The following CHAT variants were observed in gnomAD, a reference collection of about 807,000 sequenced individuals.
CHAT encodes the protein choline O-acetyltransferase, also known as acetyl CoA:choline O-acetyltransferase.
A neutral mutation model predicts 76.9 loss-of-function variants in CHAT; 61 were observed. The ratio of observed to expected loss-of-function variants is 0.79; its 90% CI spans 0.65 to 0.98. The LOEUF is 0.98. Ranked by LOEUF, CHAT falls within the 50% of genes least tolerant of loss-of-function variation. The probability of loss-of-function intolerance (pLI) is 0.00; values close to 1 mark genes in which losing one functional copy is unlikely to be tolerated. For missense variants in CHAT, 946 were observed against 986.9 expected (o/e 0.96, Z 0.56); for synonymous variants, 407 against 397.4 (o/e 1.02, Z -0.29).
chr10:49,664,718 G>C lies in CHAT; in HGVS notation c.1978-59G>C, dbSNP rs2132858099. On this transcript the variant is annotated intron_variant, in intron 14 of 14. Coordinates refer to ENST00000337653, the MANE Select transcript of CHAT (RefSeq NM_020549.5). ...GTGGAAAACAGAGAAGCCAAGCCCA[G>C]TCGAGGCTGGCGGGCTGCATTCCAG... is the stretch of plus-strand genomic sequence containing the variant. The C allele has an allele frequency of 1.9e-6, 3 of 1,610,784 alleles. 1 individual carries two copies. The highest frequency in any genetic ancestry group is 2.2e-5 in the South Asian group (2 of 90,858).
At chr10:49,633,490 C>T (rs952517218) in intron 7 of CHAT, among the ~76,000 whole-genome samples, 1 of 152,160 alleles carries the variant, frequency 6.6e-6, no homozygotes. Context: ...TGGAAGGGAG[C>T]ATCTGCCTAG....
At chr10:49,611,731 T>G, upstream of CHAT, 1 of 1,605,964 alleles carries the variant, frequency 6.2e-7, no homozygotes, top group South Asian at 1.1e-5. Context: ...GGGCATGGCC[T>G]GGCTGCCGGC....
intron 4 of CHAT, 49 bp from the exon 5 acceptor site, chr10:49,622,048 G>T (rs759711165): frequency 6.3e-7 from 1 of 1,596,620 alleles, no homozygotes; most frequent in South Asian, 1.1e-5. Flanking sequence ...GAGGGAGGGA[G>T]GAAGCCAGGC....
At chr10:49,632,064 C>G (rs1839143044) in intron 7 of CHAT, among the ~76,000 whole-genome samples, 1 of 152,132 alleles carries the variant, frequency 6.6e-6, no homozygotes, top group Admixed American at 6.5e-5. Flanking sequence ...CTGTCTACCC[C>G]ACCTGGCCCT....
intron 9 of CHAT, 119 bp downstream of exon 9, chr10:49,648,726 TACACACACACACACACAC>T (rs10580502): frequency 1.7e-6 from 1 of 582,562 alleles, no homozygotes; most frequent in South Asian, 1.9e-5. Flanking sequence ...ATGTGTACTA[TACACACACACACACACAC>T]ACACACACAC....
intron 7 of CHAT, chr10:49,637,714 A>C (rs1435838987): frequency 3.9e-5 from 6 of 152,248 alleles, no homozygotes; most frequent in African/African-American, 1.2e-4. Flanking sequence ...TCTTTAGAGC[A>C]GTGTGAAAAC....
Position 49,614,358 on chromosome 10 carries a change from T to C in CHAT, c.169T>C (p.Cys57Arg). 1 of 1,545,646 alleles carries C rather than the reference T, an allele frequency of 6.5e-7. No individual in the cohort carries two copies. The highest frequency in any genetic ancestry group is 8.7e-7 in the Non-Finnish European group (1 of 1,145,216). Residue 57 changes from cysteine to arginine, a missense_variant, in exon 1 of 15, where the codon TGC (cysteine) becomes CGC (arginine). Physicochemically the swap from Cys to Arg is radical, Grantham distance 180. Around this residue, in one of 3 missense-constraint regions of CHAT, gnomAD observed 548 missense variants for 516.2 expected, o/e 1.06. Transcript: ENST00000337653. ...CGGAGGCCCTGCCGGGAACCCAGGC[T>C]GCAGCCCCCACCCCCGCGCTGCGAC... ...DVGGPAGNPG[C>R]SPHPRAATRP... is the part of the protein sequence containing the mutation.
At chr10:49,633,699 C>T (rs1286873625) in intron 7 of CHAT, among the ~76,000 whole-genome samples, 3 of 152,206 alleles carry the variant, frequency 2.0e-5, no homozygotes, top group Non-Finnish European at 4.4e-5. Context: ...GTCTGGGAGA[C>T]TACAGCACTT....
chr10:49,640,005 A>T (rs1839427665), intron 7 of CHAT, among the ~76,000 whole-genome samples: 1 of 152,064 alleles, frequency 6.6e-6, no homozygotes, highest in Non-Finnish European at 1.5e-5. Context: ...TTATTCTATT[A>T]TTCAGTCCTA....
chr10:49,640,513 G>A (rs537172455), intron 7 of CHAT, among the ~76,000 whole-genome samples: 2 of 150,478 alleles, frequency 1.3e-5, no homozygotes, highest in South Asian at 2.1e-4. Flanking sequence ...GGGGGTGGAA[G>A]TTCAAGCTCC....
chr10:49,625,372 C>T, intron 5 of CHAT, 101 bp from the exon 6 acceptor site: 1 of 1,082,712 alleles, frequency 9.2e-7, no homozygotes, highest in Non-Finnish European at 1.4e-6. Context: ...GGTTCTGTGC[C>T]CCATTTTGCC....
rs550322570 is a variant in CHAT at position 49,664,849 on chromosome 10, C to T, written c.2050C>T (p.Pro684Ser). The T allele has an allele frequency of 1.9e-6, 3 of 1,614,202 alleles. No individual in the cohort carries two copies. The South Asian group carries it at 3.3e-5, about 18-fold the overall frequency. ...VPNGYGACYN[P>S]QPETILFCIS... ...AAATGGGTATGGTGCCTGCTACAAC[C>T]CCCAGCCAGAGACCATCCTTTTCTG... The change falls in exon 15 of 15, where the codon CCC (proline) becomes TCC (serine). Residue 684 changes from proline (P) to serine (S), a missense_variant. This residue lies in a region of CHAT where 349 missense variants were observed against 393.9 expected (regional missense o/e 0.89). Transcript: ENST00000337653.
At chr10:49,616,146 G>T in intron 1 of CHAT, 1 of 1,515,236 alleles carries the variant, frequency 6.6e-7, no homozygotes, top group East Asian at 2.3e-5. Context: ...GATTGGCAAA[G>T]CACTTATCTA....
Position 49,666,592 on chromosome 10 carries a change from G to C in CHAT, c.*1546G>C, listed in dbSNP as rs1840345343. 6.6e-6 allele frequency among the ~76,000 whole-genome samples: 1 copy of C among 152,198 alleles called. No homozygotes were observed. Among genetic ancestry groups the C allele is most frequent in the Admixed American group, 6.5e-5 (1 of 15,282 alleles). ...GGCTCTCCACACTTCGACCTGGACTGTCACAGGCTGGCAGAGGTGGGGTGG... is the reference window on the plus strand; with the variant it reads ...GGCTCTCCACACTTCGACCTGGACTCTCACAGGCTGGCAGAGGTGGGGTGG... On this transcript the variant is annotated 3_prime_UTR_variant, in exon 15 of 15. Coordinates refer to ENST00000337653, the MANE Select transcript of CHAT (RefSeq NM_020549.5).
At chr10:49,609,562 G>A (rs1248621602), upstream of CHAT, among the ~76,000 whole-genome samples, 5 of 152,224 alleles carry the variant, frequency 3.3e-5, no homozygotes, top group East Asian at 5.8e-4. Context: ...AGTGCGGGAG[G>A]GCGGCAGCGG....
intron 7 of CHAT, among the ~76,000 whole-genome samples, chr10:49,631,698 T>C (rs1254530148): frequency 6.6e-6 from 1 of 152,274 alleles, no homozygotes; most frequent in Non-Finnish European, 1.5e-5. Flanking sequence ...TGCTTGAAAC[T>C]GAGACTTTAG....
intron 7 of CHAT, among the ~76,000 whole-genome samples, chr10:49,642,135 G>A (rs1382560275): frequency 6.6e-6 from 1 of 152,176 alleles, no homozygotes; most frequent in East Asian, 1.9e-4. Context: ...CCTTGAGGAA[G>A]ATTGATTCGC....
chr10:49,636,012 T>C (rs1000536637), intron 7 of CHAT, among the ~76,000 whole-genome samples: 1 of 152,264 alleles, frequency 6.6e-6, no homozygotes, highest in East Asian at 1.9e-4. Context: ...TGATTATGTA[T>C]GTAGAAAATA....
At chr10:49,646,794 A>T (rs1839685567) in intron 8 of CHAT, 120 bp downstream of exon 8, 4 of 1,164,144 alleles carry the variant, frequency 3.4e-6, no homozygotes, top group Admixed American at 2.0e-5. Flanking sequence ...AGGCGCACTC[A>T]CTGGTTTCTG....
Sources: allele counts gnomAD v4.1 joint callset (sites outside exome capture counted in the v4.1 genomes callset), GRCh38; gene constraint gnomAD v4.1.1; regional missense constraint gnomAD v4.1.1; transcripts MANE v1.5; gene names NCBI Gene and HGNC (gene_info 2026-07-23, HGNC 2026-07-21).